The following CDH20 variants were observed in gnomAD, a reference collection of about 807,000 sequenced individuals.
The protein encoded by CDH20 is cadherin 20, also known as cadherin-20.
A neutral mutation model predicts 74.2 loss-of-function variants in CDH20; 29 were observed. The ratio of observed to expected loss-of-function variants is 0.39; its 90% CI spans 0.29 to 0.53. CDH20 has a LOEUF of 0.53. Among genes scored for constraint, CDH20 ranks in the 20% least tolerant of loss-of-function variants. CDH20 has a pLI of 0.69. For synonymous variants in CDH20, 469 were observed against 405.4 expected (o/e 1.16, Z -1.88); for missense variants, 988 against 1,048.3 (o/e 0.94, Z 0.79).
At chr18:61,465,925 T>A (rs1178452454) in intron 1 of CDH20, among the ~76,000 whole-genome samples, 1 of 151,414 alleles carries the variant, frequency 6.6e-6, no homozygotes, top group Non-Finnish European at 1.5e-5. Context: ...CCAGGCATGG[T>A]GATATAGGCC....
intron 1 of CDH20, among the ~76,000 whole-genome samples, chr18:61,414,679 C>T (rs1196793080): frequency 1.3e-5 from 2 of 151,868 alleles, no homozygotes; most frequent in East Asian, 1.9e-4. Flanking sequence ...ATGAATGGGA[C>T]AAATCTTCAA....
intron 1 of CDH20, among the ~76,000 whole-genome samples, chr18:61,447,823 A>C (rs1441645512): frequency 6.6e-6 from 1 of 152,090 alleles, no homozygotes; most frequent in Non-Finnish European, 1.5e-5. Context: ...CATATACATG[A>C]GGTTACTCCT....
intron 1 of CDH20, among the ~76,000 whole-genome samples, chr18:61,465,489 T>A (rs1326965295): frequency 6.6e-6 from 1 of 151,606 alleles, no homozygotes; most frequent in Non-Finnish European, 1.5e-5. Flanking sequence ...AATCTCAGAG[T>A]TTTTAGAGTT....
intron 1 of CDH20, among the ~76,000 whole-genome samples, chr18:61,371,384 T>C (rs565892568): frequency 3.3e-5 from 5 of 152,078 alleles, no homozygotes; most frequent in East Asian, 1.9e-4. Flanking sequence ...AGGTGCTGTA[T>C]AGTGAATCAC....
intron 1 of CDH20, among the ~76,000 whole-genome samples, chr18:61,458,147 G>A (rs1373775589): frequency 6.6e-6 from 1 of 151,936 alleles, no homozygotes; most frequent in Non-Finnish European, 1.5e-5. Flanking sequence ...TCTCCATCTG[G>A]TTGCCTTCTC....
intron 1 of CDH20, among the ~76,000 whole-genome samples, chr18:61,474,386 C>A (rs1023868670): frequency 2.0e-5 from 3 of 152,178 alleles, no homozygotes; most frequent in East Asian, 3.9e-4. Flanking sequence ...TTAAAGATTT[C>A]CTTTTTTCAG....
intron 1 of CDH20, among the ~76,000 whole-genome samples, chr18:61,355,392 A>C (rs1910465138): frequency 1.3e-5 from 2 of 152,250 alleles, no homozygotes; most frequent in South Asian, 4.1e-4. Context: ...AAGGACTCCA[A>C]AGGTTTGCAG....
rs1912289909 is a variant in CDH20 at position 61,405,169 on chromosome 18, A to T, written c.-153+71342A>T. Reference sequence around the variant, plus strand: ...ACAAGTTAGAGCCTAGAATTGATCAACTCCAGCGACTTTTTTGTCTTCTTT... The same window carrying T: ...ACAAGTTAGAGCCTAGAATTGATCATCTCCAGCGACTTTTTTGTCTTCTTT... On this transcript the variant is annotated intron_variant, in intron 1 of 11. Transcript: ENST00000262717. 5 of 511,014 alleles carry T rather than the reference A, an allele frequency of 9.8e-6. No homozygotes were observed. The Admixed American group carries it at 1.3e-4, about 13-fold the overall frequency. 31.7% of individuals were successfully genotyped at this position (511,014 alleles called of 1,614,324 possible).
chr18:61,463,425 G>A (rs771619550), intron 1 of CDH20, among the ~76,000 whole-genome samples: 1 of 152,142 alleles, frequency 6.6e-6, no homozygotes, highest in Non-Finnish European at 1.5e-5. Context: ...GAAGAGTGTA[G>A]TCAAGATTGT....
intron 7 of CDH20, among the ~76,000 whole-genome samples, chr18:61,529,998 G>T (rs989137707): frequency 6.6e-6 from 1 of 152,152 alleles, no homozygotes; most frequent in Admixed American, 6.5e-5. Flanking sequence ...CCACTGGGCT[G>T]TTCTGGGGCA....
intron 1 of CDH20, among the ~76,000 whole-genome samples, chr18:61,428,494 T>G (rs1454348227): frequency 6.6e-6 from 1 of 151,914 alleles, no homozygotes; most frequent in Non-Finnish European, 1.5e-5. Flanking sequence ...GCTGCTGGGG[T>G]CTCCTGTGTG....
chr18:61,471,284 T>C lies in CDH20; in HGVS notation c.-152-19118T>C, dbSNP rs1910167155. On this transcript the variant is annotated intron_variant, in intron 1 of 11. Transcript: ENST00000262717. Reference sequence around the variant, plus strand: ...CCAAATGCCCTCATCTGTCTCCCTTTCAACTCCATCCAGTGATAATTGTTC... The same window carrying C: ...CCAAATGCCCTCATCTGTCTCCCTTCCAACTCCATCCAGTGATAATTGTTC... Among the ~76,000 whole-genome samples, 4 of 152,334 alleles carry C rather than the reference T, an allele frequency of 2.6e-5. No homozygotes were observed. In the South Asian group the frequency reaches 8.3e-4, roughly 32 times the overall value.
At chr18:61,484,225 C>T (rs750583952) in intron 1 of CDH20, among the ~76,000 whole-genome samples, 47 of 152,092 alleles carry the variant, frequency 3.1e-4, no homozygotes, top group Non-Finnish European at 5.3e-4. Context: ...TCACATAAAA[C>T]AGGAAATTAG....
chr18:61,415,991 G>A (rs768057301), intron 1 of CDH20, among the ~76,000 whole-genome samples: 1 of 151,596 alleles, frequency 6.6e-6, no homozygotes. Context: ...TAATTGATGA[G>A]TAATGATGAA....
chr18:61,404,797 C>T, intron 1 of CDH20: 1 of 223,524 alleles, frequency 4.5e-6, no homozygotes, highest in Non-Finnish European at 8.5e-6. Flanking sequence ...AAATTGTCAA[C>T]TTTTTTTTTT....
chr18:61,517,412 G>A (rs1159760112), intron 6 of CDH20, among the ~76,000 whole-genome samples: 1 of 152,202 alleles, frequency 6.6e-6, no homozygotes, highest in South Asian at 2.1e-4. Context: ...GGAGTGGTTA[G>A]ATAGTGGGTG....
At chr18:61,494,181 C>T (rs967866128) in intron 2 of CDH20, among the ~76,000 whole-genome samples, 2 of 152,192 alleles carry the variant, frequency 1.3e-5, no homozygotes, top group African/African-American at 4.8e-5. Context: ...ATCACTCCTA[C>T]CCCAAAGCCC....
intron 1 of CDH20, among the ~76,000 whole-genome samples, chr18:61,429,281 C>T (rs1297686521): frequency 9.2e-5 from 14 of 152,158 alleles, no homozygotes; most frequent in Non-Finnish European, 1.9e-4. Context: ...TCATCCCAGA[C>T]ACAGACCATT....
intron 1 of CDH20, among the ~76,000 whole-genome samples, chr18:61,406,201 A>G (rs1912324500): frequency 6.6e-6 from 1 of 152,118 alleles, no homozygotes; most frequent in African/African-American, 2.4e-5. Flanking sequence ...ATGAAGGTGA[A>G]TTTTTCATGT....
Sources: gnomAD v4.1 joint callset for allele counts (sites outside exome capture counted in the v4.1 genomes callset) on GRCh38, gnomAD v4.1.1 for gene constraint, MANE v1.5 for transcripts, NCBI Gene and HGNC (gene_info 2026-07-23, HGNC 2026-07-21) for gene names.